FSTL4: variants seen among roughly 807,000 people sequenced by gnomAD.
FSTL4 encodes the protein follistatin like 4, also known as follistatin-related protein 4.
Under a neutral mutation model 78.2 loss-of-function variants are expected in FSTL4, and 28 were observed. That is an observed-to-expected ratio of 0.36 (90% CI 0.27 to 0.49). FSTL4 has a LOEUF of 0.49. Ranked by LOEUF, FSTL4 falls within the 20% of genes least tolerant of loss-of-function variation. The pLI is 0.98. For synonymous variants in FSTL4, 422 were observed against 440.5 expected, an observed-to-expected ratio of 0.96 and a Z score of 0.53; for missense variants, 922 against 1,084.9, an observed-to-expected ratio of 0.85 and a Z score of 2.11.
chr5:133,225,898 G>A lies in FSTL4; in HGVS notation c.1016-79C>T. On this transcript the variant is annotated intron_variant, in intron 8 of 15. Transcript: ENST00000265342. The surrounding 1 kb of genome is among the most constrained non-coding windows in gnomAD (Gnocchi z 4.6). ...GGCCTGTGGCCCAACCTGAGACCCT[G>A]CTCCAGAGGGGGTGAACCCAAGTAG... 1 of 1,175,284 alleles carries A rather than the reference G, an allele frequency of 8.5e-7. No individual in the cohort carries two copies. The highest frequency in any genetic ancestry group is 1.2e-6 in the Non-Finnish European group (1 of 868,512). The allele number at this position is 1,175,284 out of a possible 1,614,324, so 72.8% of individuals were successfully genotyped here.
intron 12 of FSTL4, among the ~76,000 whole-genome samples, chr5:133,218,975 G>A (rs1400344189): frequency 6.6e-6 from 1 of 152,214 alleles, no homozygotes; most frequent in Non-Finnish European, 1.5e-5. Flanking sequence ...TGTATTTGCT[G>A]ACAGAATAAA....
At chr5:133,641,593 T>G in the FSTL4 span, among the ~76,000 whole-genome samples, 2 of 152,196 alleles carry the variant, frequency 1.3e-5, no homozygotes. Context: ...TTTGCATGTT[T>G]GTGTATATAT....
chr5:133,498,893 C>A (rs1758428183), intron 3 of FSTL4, among the ~76,000 whole-genome samples: 1 of 151,788 alleles, frequency 6.6e-6, no homozygotes, highest in Non-Finnish European at 1.5e-5. Context: ...TTTAGCAGAA[C>A]TAGAGATGGG....
chr5:133,797,816 C>A, the FSTL4 span, among the ~76,000 whole-genome samples: 4 of 152,166 alleles, frequency 2.6e-5, no homozygotes. Flanking sequence ...CCCTGAGCAG[C>A]GCTTTGCTCC....
At chr5:133,521,539 T>G (rs1019464906) in intron 3 of FSTL4, among the ~76,000 whole-genome samples, 1 of 152,162 alleles carries the variant, frequency 6.6e-6, no homozygotes, top group African/African-American at 2.4e-5. Flanking sequence ...TGGCATCTAG[T>G]TGGCTCTCAG....
At chr5:133,589,281 T>A (rs1479499560) in intron 2 of FSTL4, among the ~76,000 whole-genome samples, 4 of 25,568 alleles carry the variant, frequency 1.6e-4, no homozygotes, top group East Asian at 2.5e-3. Flanking sequence ...AAACTTAGAG[T>A]ATAATAAAAA....
the FSTL4 span, among the ~76,000 whole-genome samples, chr5:133,797,584 C>T: frequency 1.2e-4 from 18 of 152,144 alleles, no homozygotes; most frequent in Non-Finnish European, 2.2e-4. Flanking sequence ...GCTTCCCTTC[C>T]CGTCATGGCC....
chr5:133,377,235 A>C (rs1031272678), intron 4 of FSTL4, among the ~76,000 whole-genome samples: 1 of 152,182 alleles, frequency 6.6e-6, no homozygotes, highest in African/African-American at 2.4e-5. Context: ...GGGCAGTAAC[A>C]CTGGGACCCG....
At chr5:133,742,340 G>A in the FSTL4 span, among the ~76,000 whole-genome samples, 1 of 152,180 alleles carries the variant, frequency 6.6e-6, no homozygotes, top group Non-Finnish European at 1.5e-5. Flanking sequence ...TGGCATCATT[G>A]ACACTGGCTA....
the FSTL4 span, among the ~76,000 whole-genome samples, chr5:133,838,633 C>T: frequency 6.6e-6 from 1 of 151,458 alleles, no homozygotes; most frequent in Non-Finnish European, 1.5e-5. Context: ...TATGTACTCT[C>T]TCCCTGTAAC....
At chr5:133,777,549 A>G in the FSTL4 span, among the ~76,000 whole-genome samples, 1 of 152,238 alleles carries the variant, frequency 6.6e-6, no homozygotes, top group South Asian at 2.1e-4. Context: ...TTCTAATCCC[A>G]GTCTCCTCCC....
At chr5:133,430,491 T>C (rs1015425051) in intron 3 of FSTL4, among the ~76,000 whole-genome samples, 1 of 152,154 alleles carries the variant, frequency 6.6e-6, no homozygotes, top group Non-Finnish European at 1.5e-5. Flanking sequence ...GGGAGAGGAA[T>C]AGCCAAGCCA....
chr5:133,771,953 A>G, the FSTL4 span, among the ~76,000 whole-genome samples: 2 of 152,196 alleles, frequency 1.3e-5, no homozygotes, highest in Non-Finnish European at 2.9e-5. Context: ...TCTTAGTTAT[A>G]CATTATTTAA....
At chr5:133,750,437 T>C in the FSTL4 span, among the ~76,000 whole-genome samples, 8 of 152,124 alleles carry the variant, frequency 5.3e-5, no homozygotes, top group African/African-American at 1.9e-4. Flanking sequence ...ATGTTCTGAC[T>C]CCCAGCTTCC....
At position 133,338,224 on chromosome 5, in the gene FSTL4, G is replaced by A. The variant is rs112259673; in HGVS notation, c.410-21572C>T. Among the ~76,000 whole-genome samples the A allele has an allele frequency of 0.019, 2,846 of 152,234 alleles. 40 individuals carry two copies. Among genetic ancestry groups the A allele is most frequent in the Admixed American group, 0.034 (515 of 15,294 alleles). On this transcript the variant is annotated intron_variant, in intron 4 of 15. Coordinates refer to ENST00000265342, the MANE Select transcript of FSTL4 (RefSeq NM_015082.2). This position sits in a 1 kb window ranked among gnomAD's most constrained non-coding sequence, Gnocchi z 4.0. ...TGGCCCTGGCCCTGATGACCCCCCG[G>A]GTGTGTGCCCCTATTCCTGTCTGCT...
At chr5:133,748,913 G>A in the FSTL4 span, among the ~76,000 whole-genome samples, 1 of 152,198 alleles carries the variant, frequency 6.6e-6, no homozygotes, top group African/African-American at 2.4e-5. Context: ...AACAGTCAGG[G>A]CCAGAGACAC....
At chr5:133,381,176 A>T (rs1347754783) in intron 4 of FSTL4, among the ~76,000 whole-genome samples, 1 of 152,246 alleles carries the variant, frequency 6.6e-6, no homozygotes. Flanking sequence ...GAACACTTTC[A>T]CAGGTGCACA....
intron 13 of FSTL4, 132 bp from the exon 14 acceptor site, chr5:133,210,430 C>T (rs1042640352): frequency 1.5e-5 from 7 of 469,628 alleles, no homozygotes; most frequent in Non-Finnish European, 2.7e-5. Flanking sequence ...ATTTGGGAAC[C>T]CAGGGCAGAA....
At chr5:133,710,382 G>A in the FSTL4 span, among the ~76,000 whole-genome samples, 1 of 152,000 alleles carries the variant, frequency 6.6e-6, no homozygotes, top group Non-Finnish European at 1.5e-5. Flanking sequence ...CATTTGCCAG[G>A]GACAGCCTGG....
Sources: gnomAD v4.1 joint callset for allele counts (sites outside exome capture counted in the v4.1 genomes callset) on GRCh38, gnomAD v4.1.1 for gene constraint, Gnocchi (gnomAD v3.1) non-coding constraint, MANE v1.5 for transcripts, NCBI Gene and HGNC (gene_info 2026-07-23, HGNC 2026-07-21) for gene names.